Variants in GABRB1 observed in about 807,000 individuals in gnomAD.
GABRB1 encodes the protein gamma-aminobutyric acid type A receptor subunit beta1, also known as gamma-aminobutyric acid receptor subunit beta-1.
Under a neutral mutation model 51.6 loss-of-function variants are expected in GABRB1, and 17 were observed. That is an observed-to-expected ratio of 0.33 (90% CI 0.23 to 0.49). The LOEUF is 0.49. GABRB1 is among the 20% of genes least tolerant of loss of function. The pLI is 0.99. For synonymous variants in GABRB1, 247 were observed against 218.9 expected (o/e 1.13, Z -1.14); for missense variants, 410 against 600.6 (o/e 0.68, Z 3.32).
intron 1 of GABRB1, among the ~76,000 whole-genome samples, chr4:47,021,757 TG>T (rs557645081): frequency 1.3e-5 from 2 of 152,136 alleles, no homozygotes; most frequent in Non-Finnish European, 2.9e-5. Context: ...GCTTGAACTC[TG>T]GTCTTGTTAT....
chr4:47,337,920 G>T lies in GABRB1; in HGVS notation c.544+17711G>T, dbSNP rs771410947. On this transcript the variant is annotated intron_variant, in intron 5 of 8. Transcript: ENST00000295454. The stretch of plus-strand genomic sequence containing the variant: ...CATTTTAACTACTCAATAAATGGGG[G>T]TAACAACTGTCATGAAAGTACAGGG... Among the ~76,000 whole-genome samples the T allele has an allele frequency of 3.3e-5, 5 of 151,668 alleles. No homozygotes were observed. In the South Asian group the frequency reaches 1.0e-3, roughly 32 times the overall value.
At chr4:47,163,873 T>A (rs2109742250) in intron 4 of GABRB1, among the ~76,000 whole-genome samples, 1 of 152,142 alleles carries the variant, frequency 6.6e-6, no homozygotes, top group African/African-American at 2.4e-5. Flanking sequence ...ATTAGTCTGT[T>A]TTCATATTGC....
At chr4:47,411,584 A>C (rs1416739717) in intron 8 of GABRB1, among the ~76,000 whole-genome samples, 1 of 152,200 alleles carries the variant, frequency 6.6e-6, no homozygotes, top group African/African-American at 2.4e-5. Context: ...TCTGTAACTT[A>C]ATTGGAATGC....
At chr4:47,096,422 A>C (rs1714434299) in intron 3 of GABRB1, among the ~76,000 whole-genome samples, 1 of 152,200 alleles carries the variant, frequency 6.6e-6, no homozygotes, top group Non-Finnish European at 1.5e-5. Flanking sequence ...GAATGAGGCA[A>C]ATGTACCAAT....
chr4:47,131,442 G>A (rs1716413987), intron 3 of GABRB1, among the ~76,000 whole-genome samples: 1 of 152,194 alleles, frequency 6.6e-6, no homozygotes, highest in Non-Finnish European at 1.5e-5. Context: ...ACCGGTGTGA[G>A]CCACCGCACC....
intron 4 of GABRB1, among the ~76,000 whole-genome samples, chr4:47,285,937 A>C (rs777050253): frequency 1.3e-5 from 2 of 152,226 alleles, no homozygotes; most frequent in African/African-American, 4.8e-5. Flanking sequence ...TAAGTTAACT[A>C]GTTTTAATCA....
intron 3 of GABRB1, among the ~76,000 whole-genome samples, chr4:47,136,745 T>G (rs560726902): frequency 1.4e-4 from 22 of 152,216 alleles, no homozygotes; most frequent in African/African-American, 5.3e-4. Flanking sequence ...GGTTTCCACA[T>G]AGCAGTCAAT....
At chr4:47,028,157 TA>T (rs1453125428), upstream of GABRB1, among the ~76,000 whole-genome samples, 4 of 151,760 alleles carry the variant, frequency 2.6e-5, no homozygotes, top group Non-Finnish European at 5.9e-5. Flanking sequence ...GTCACTTAAT[TA>T]TTTTTTTAAA....
chr4:47,021,938 G>T (rs144168608), intron 1 of GABRB1, among the ~76,000 whole-genome samples: 1 of 151,994 alleles, frequency 6.6e-6, no homozygotes, highest in Non-Finnish European at 1.5e-5. Flanking sequence ...CAATAAATTA[G>T]AGATTTTATT....
At chr4:47,175,296 A>T (rs2109761609) in intron 4 of GABRB1, among the ~76,000 whole-genome samples, 1 of 151,910 alleles carries the variant, frequency 6.6e-6, no homozygotes, top group Non-Finnish European at 1.5e-5. Context: ...GGCCTCAAGC[A>T]ATCCTCTGCC....
Position 47,299,115 on chromosome 4 carries a change from A to C in GABRB1, c.462-21012A>C, listed in dbSNP as rs1281561508. On this transcript the variant is annotated intron_variant, in intron 4 of 8. Coordinates refer to ENST00000295454, the MANE Select transcript of GABRB1 (RefSeq NM_000812.4). ...AAGATGGATTAAAGATTTAAATGTTAGACCTAAAACCATAAAAACCCTAGA... is the reference window on the plus strand; with the variant it reads ...AAGATGGATTAAAGATTTAAATGTTCGACCTAAAACCATAAAAACCCTAGA... Among the ~76,000 whole-genome samples the C allele has an allele frequency of 2.6e-5, 4 of 152,130 alleles. No homozygotes were observed. In the East Asian group the frequency reaches 5.8e-4, roughly 22 times the overall value.
At chr4:47,209,967 G>A (rs1345662158) in intron 4 of GABRB1, among the ~76,000 whole-genome samples, 1 of 152,064 alleles carries the variant, frequency 6.6e-6, no homozygotes, top group Non-Finnish European at 1.5e-5. Flanking sequence ...TATTAAAGAT[G>A]AGATAGGCAT....
intron 4 of GABRB1, among the ~76,000 whole-genome samples, chr4:47,299,839 C>T (rs1247084218): frequency 1.3e-5 from 2 of 151,794 alleles, no homozygotes; most frequent in African/African-American, 4.8e-5. Context: ...TGGAACCAAC[C>T]CAAATGTCCA....
At chr4:47,301,647 C>T in intron 4 of GABRB1, among the ~76,000 whole-genome samples, 1 of 123,884 alleles carries the variant, frequency 8.1e-6, no homozygotes, top group Non-Finnish European at 1.8e-5. Flanking sequence ...AAAAAAAAAA[C>T]ATTTCAATTA....
chr4:47,133,764 A>G (rs1270563122), intron 3 of GABRB1, among the ~76,000 whole-genome samples: 2 of 152,182 alleles, frequency 1.3e-5, no homozygotes, highest in African/African-American at 2.4e-5. Flanking sequence ...TTGAAGGTAC[A>G]TGATGTCAGA....
At chr4:47,406,583 C>A in intron 7 of GABRB1, 99 bp from the exon 8 acceptor site, 1 of 1,428,688 alleles carries the variant, frequency 7.0e-7, no homozygotes, top group Non-Finnish European at 9.7e-7. Flanking sequence ...CACTCAGGGG[C>A]ACCAATAAGG....
At chr4:47,262,978 G>A (rs928970310) in intron 4 of GABRB1, among the ~76,000 whole-genome samples, 15 of 146,292 alleles carry the variant, frequency 1.0e-4, no homozygotes, top group Non-Finnish European at 1.6e-4. Context: ...TCACTCATAG[G>A]TGGGAATTGA....
At chr4:47,185,688 C>T (rs1159108458) in intron 4 of GABRB1, among the ~76,000 whole-genome samples, 1 of 151,844 alleles carries the variant, frequency 6.6e-6, no homozygotes, top group Non-Finnish European at 1.5e-5. Flanking sequence ...TCAGTTTCCT[C>T]ATCTGAAGAT....
At chr4:47,316,586 C>T (rs1470457709) in intron 4 of GABRB1, among the ~76,000 whole-genome samples, 1 of 151,882 alleles carries the variant, frequency 6.6e-6, no homozygotes, top group African/African-American at 2.4e-5. Flanking sequence ...ACTATATTAA[C>T]TTGTGCTGCC....
Sources: allele counts gnomAD v4.1 joint callset (sites outside exome capture counted in the v4.1 genomes callset), GRCh38; gene constraint gnomAD v4.1.1; transcripts MANE v1.5; gene names NCBI Gene and HGNC (gene_info 2026-07-23, HGNC 2026-07-21).